Variants in PRKCE observed in about 807,000 individuals in gnomAD.
PRKCE encodes protein kinase C epsilon, also known as protein kinase C epsilon type.
A neutral mutation model predicts 85.4 loss-of-function variants in PRKCE; 16 were observed. That is an observed-to-expected ratio of 0.19 (90% CI 0.13 to 0.28). PRKCE has a LOEUF of 0.28. Among genes scored for constraint, PRKCE ranks in the 10% least tolerant of loss-of-function variants. The pLI, the probability that PRKCE is intolerant of heterozygous loss-of-function variation, is 1.00. For missense variants in PRKCE, 573 were observed against 975.2 expected (o/e 0.59, Z 5.49); for synonymous variants, 388 against 371.5 (o/e 1.04, Z -0.51).
chr2:45,896,409 T>G (rs892788316), intron 2 of PRKCE, among the ~76,000 whole-genome samples: 4 of 152,186 alleles, frequency 2.6e-5, no homozygotes, highest in Non-Finnish European at 4.4e-5. Flanking sequence ...TAAAAGAGTT[T>G]TTGCTCCATT....
chr2:45,884,906 G>A (rs191861964), intron 2 of PRKCE, among the ~76,000 whole-genome samples: 1 of 140,170 alleles, frequency 7.1e-6, no homozygotes, highest in East Asian at 2.0e-4. Context: ...CACGGACACA[G>A]ACACATGTCT....
chr2:45,689,947 C>G (rs917779896), intron 1 of PRKCE, among the ~76,000 whole-genome samples: 1 of 151,944 alleles, frequency 6.6e-6, no homozygotes, highest in Non-Finnish European at 1.5e-5. Context: ...ATCACAGACT[C>G]CCACTTCCCT....
At chr2:46,101,032 G>A (rs915004864) in intron 11 of PRKCE, among the ~76,000 whole-genome samples, 6 of 152,034 alleles carry the variant, frequency 3.9e-5, no homozygotes, top group African/African-American at 1.4e-4. Context: ...AACTTGCCTG[G>A]TTCACTGTTG....
intron 2 of PRKCE, among the ~76,000 whole-genome samples, chr2:45,896,345 C>T (rs936024305): frequency 1.3e-5 from 2 of 152,154 alleles, no homozygotes; most frequent in Non-Finnish European, 2.9e-5. Context: ...CTGCTTGTGC[C>T]ATTGCACCTA....
At chr2:46,092,401 G>A (rs1473689717) in intron 11 of PRKCE, among the ~76,000 whole-genome samples, 1 of 152,130 alleles carries the variant, frequency 6.6e-6, no homozygotes, top group Non-Finnish European at 1.5e-5. Flanking sequence ...TCTTGCCTTA[G>A]TGCCTGTCGT....
At chr2:46,115,379 A>C (rs928181258) in intron 11 of PRKCE, among the ~76,000 whole-genome samples, 3 of 152,178 alleles carry the variant, frequency 2.0e-5, no homozygotes, top group Non-Finnish European at 4.4e-5. Flanking sequence ...GTACAAAGAG[A>C]AGCACATCTC....
intron 2 of PRKCE, among the ~76,000 whole-genome samples, chr2:45,967,691 A>T (rs1309363612): frequency 5.3e-5 from 8 of 151,866 alleles, no homozygotes; most frequent in Non-Finnish European, 1.2e-4. Flanking sequence ...AGGATGACTC[A>T]TTTTTTTTCT....
At chr2:45,663,811 C>T (rs1209965107) in intron 1 of PRKCE, among the ~76,000 whole-genome samples, 2 of 151,952 alleles carry the variant, frequency 1.3e-5, no homozygotes, top group Non-Finnish European at 2.9e-5. Context: ...GTTGGACAGG[C>T]AGTTTTTAGC....
intron 1 of PRKCE, among the ~76,000 whole-genome samples, chr2:45,656,437 G>C (rs945232743): frequency 6.6e-6 from 1 of 152,200 alleles, no homozygotes. Context: ...AATGAGAGAT[G>C]TTTCAGTTGT....
At chr2:45,953,435 C>G (rs1337541427) in intron 2 of PRKCE, among the ~76,000 whole-genome samples, 1 of 152,206 alleles carries the variant, frequency 6.6e-6, no homozygotes, top group Non-Finnish European at 1.5e-5. Context: ...TGCTCTCTCT[C>G]TTCCTCCCTT....
intron 4 of PRKCE, among the ~76,000 whole-genome samples, chr2:45,979,716 C>T (rs11677077): frequency 0.24 from 36,715 of 152,050 alleles, 6,122 homozygotes; most frequent in African/African-American, 0.48. Context: ...GGGTAACACG[C>T]ACACAGTTAC....
At chr2:45,949,366 G>A (rs1700456767) in intron 2 of PRKCE, among the ~76,000 whole-genome samples, 1 of 145,278 alleles carries the variant, frequency 6.9e-6, no homozygotes, top group South Asian at 2.2e-4. Flanking sequence ...ATTCTTTTAG[G>A]ACTATTGGCC....
intron 1 of PRKCE, among the ~76,000 whole-genome samples, chr2:45,777,486 T>C (rs1685842559): frequency 6.6e-6 from 1 of 152,050 alleles, no homozygotes; most frequent in South Asian, 2.1e-4. Context: ...CGAGCTAATG[T>C]GACTTCCTCA....
chr2:45,703,021 T>TCCC (rs11445755), intron 1 of PRKCE, among the ~76,000 whole-genome samples: 1,566 of 149,982 alleles, frequency 0.01, 13 homozygotes, highest in Middle Eastern at 0.021. Context: ...AAGCCTTTTT[T>TCCC]CCCCCCCCGT....
chr2:45,655,371 T>G (rs1425321068), intron 1 of PRKCE, among the ~76,000 whole-genome samples: 1 of 151,916 alleles, frequency 6.6e-6, no homozygotes, highest in Non-Finnish European at 1.5e-5. Context: ...TTTTTTTAGC[T>G]TATCAGCTAT....
intron 2 of PRKCE, among the ~76,000 whole-genome samples, chr2:45,892,023 C>T (rs1695758951): frequency 6.6e-6 from 1 of 152,234 alleles, no homozygotes; most frequent in African/African-American, 2.4e-5. Flanking sequence ...CACCTGCTTA[C>T]CTTGGCCCTG....
At chr2:46,020,014 T>C (rs912959176) in intron 10 of PRKCE, among the ~76,000 whole-genome samples, 1 of 151,998 alleles carries the variant, frequency 6.6e-6, no homozygotes, top group Non-Finnish European at 1.5e-5. Flanking sequence ...CAGGCCCAGC[T>C]AATTTTTGTA....
chr2:45,992,302 G>A (rs1360057844), intron 6 of PRKCE, among the ~76,000 whole-genome samples: 1 of 152,160 alleles, frequency 6.6e-6, no homozygotes, highest in Non-Finnish European at 1.5e-5. Context: ...TTTGATCTGA[G>A]GAATGCTGGG....
intron 12 of PRKCE, among the ~76,000 whole-genome samples, chr2:46,149,791 G>A (rs72879767): frequency 2.7e-5 from 4 of 150,644 alleles, no homozygotes; most frequent in African/African-American, 7.3e-5. Context: ...GTGCGTGTGT[G>A]TGTATCATGT....
Sources: allele counts gnomAD v4.1 joint callset (sites outside exome capture counted in the v4.1 genomes callset), GRCh38; gene constraint gnomAD v4.1.1; transcripts MANE v1.5; gene names NCBI Gene and HGNC (gene_info 2026-07-23, HGNC 2026-07-21).